AOPEP: variants seen among roughly 807,000 people sequenced by gnomAD.
AOPEP encodes aminopeptidase O.
A neutral mutation model predicts 98.1 loss-of-function variants in AOPEP; 77 were observed. That is an observed-to-expected ratio of 0.78 (90% CI 0.65 to 0.95). AOPEP has a LOEUF of 0.95. Among genes scored for constraint, AOPEP ranks in the 40% least tolerant of loss-of-function variants. The pLI is 0.00. For missense variants in AOPEP, 1,024 were observed against 1,024.7 expected, an observed-to-expected ratio of 1.00 and a Z score of 0.01; for synonymous variants, 346 against 365.3, an observed-to-expected ratio of 0.95 and a Z score of 0.60.
intron 1 of AOPEP, among the ~76,000 whole-genome samples, chr9:94,730,719 G>A (rs760655427): frequency 1.6e-4 from 25 of 152,164 alleles, no homozygotes; most frequent in African/African-American, 5.6e-4. Flanking sequence ...AATAAGAGGC[G>A]TAACTCAGAC....
intron 1 of AOPEP, among the ~76,000 whole-genome samples, chr9:94,748,485 T>C (rs1835009481): frequency 6.6e-6 from 1 of 152,258 alleles, no homozygotes; most frequent in African/African-American, 2.4e-5. Flanking sequence ...AAACATAGTA[T>C]AGGGAGTTCC....
chr9:95,035,507 ATTTTTTTTTTTTT>A (rs542840000), intron 13 of AOPEP, among the ~76,000 whole-genome samples: 20 of 67,964 alleles, frequency 2.9e-4, no homozygotes, highest in African/African-American at 8.8e-4. Flanking sequence ...GCTTCAGATA[ATTTTTTTTTTTTT>A]TTTTTTTTTT....
At chr9:94,846,080 A>G (rs1038962476) in intron 5 of AOPEP, among the ~76,000 whole-genome samples, 1 of 146,346 alleles carries the variant, frequency 6.8e-6, no homozygotes, top group African/African-American at 2.5e-5. Context: ...GGGCGATGAG[A>G]GCGAGACTCC....
chr9:94,740,092 G>C (rs1244590467), intron 1 of AOPEP, among the ~76,000 whole-genome samples: 2 of 152,132 alleles, frequency 1.3e-5, no homozygotes, highest in Non-Finnish European at 2.9e-5. Context: ...GGAAGCACCG[G>C]GATTGGTCAG....
chr9:95,143,355 G>A, the AOPEP span, among the ~76,000 whole-genome samples: 3 of 152,094 alleles, frequency 2.0e-5, no homozygotes, highest in African/African-American at 7.2e-5. Flanking sequence ...TGATTAAATC[G>A]CTGGCCAGTA....
intron 13 of AOPEP, among the ~76,000 whole-genome samples, chr9:95,049,273 G>T (rs774535715): frequency 6.6e-6 from 1 of 152,174 alleles, no homozygotes; most frequent in African/African-American, 2.4e-5. Context: ...GATTATAGTT[G>T]CTCTGTTGGA....
chr9:94,803,881 T>C (rs971993823), intron 5 of AOPEP, among the ~76,000 whole-genome samples: 4 of 152,182 alleles, frequency 2.6e-5, no homozygotes, highest in Non-Finnish European at 5.9e-5. Context: ...AGTTTTTGTT[T>C]CATTGTGTTT....
At chr9:94,735,330 C>T (rs952880236) in intron 1 of AOPEP, among the ~76,000 whole-genome samples, 4 of 152,190 alleles carry the variant, frequency 2.6e-5, no homozygotes, top group Admixed American at 1.3e-4. Context: ...ACGCCATTCT[C>T]CTGCCTCAGC....
At chr9:94,939,803 A>G (rs528241104) in intron 7 of AOPEP, among the ~76,000 whole-genome samples, 1 of 152,316 alleles carries the variant, frequency 6.6e-6, no homozygotes, top group Admixed American at 6.5e-5. Flanking sequence ...CTCAGGATGC[A>G]TAGTCAGCCT....
intron 6 of AOPEP, 94 bp from the exon 7 acceptor site, chr9:94,928,331 T>C (rs1367648130): frequency 2.0e-5 from 17 of 862,830 alleles, no homozygotes; most frequent in Non-Finnish European, 3.1e-5. Context: ...GCAGGCTATC[T>C]TGTCCCCCAT....
intron 1 of AOPEP, among the ~76,000 whole-genome samples, chr9:94,732,010 C>T (rs1171971000): frequency 6.6e-6 from 1 of 151,984 alleles, no homozygotes; most frequent in South Asian, 2.1e-4. Context: ...GTTTCGAACT[C>T]CTGACCTCAA....
At chr9:95,099,613 A>C in the AOPEP span, 1 of 230,944 alleles carries the variant, frequency 4.3e-6, no homozygotes, top group African/African-American at 2.2e-5. Flanking sequence ...ACCTTTGAGC[A>C]TCTCTCAGGC....
At chr9:94,793,709 C>T (rs552278510) in intron 4 of AOPEP, among the ~76,000 whole-genome samples, 62 of 150,746 alleles carry the variant, frequency 4.1e-4, no homozygotes, top group African/African-American at 1.5e-3. Flanking sequence ...GAAAGGAAAG[C>T]GAGTTGAGAA....
the AOPEP span, among the ~76,000 whole-genome samples, chr9:95,142,698 C>A: frequency 6.6e-6 from 1 of 152,170 alleles, no homozygotes; most frequent in East Asian, 1.9e-4. Flanking sequence ...TCTTTTAACT[C>A]TCAGAAGTGG....
the AOPEP span, among the ~76,000 whole-genome samples, chr9:95,092,206 C>T: frequency 3.9e-5 from 6 of 152,170 alleles, no homozygotes; most frequent in Non-Finnish European, 5.9e-5. Context: ...CCGGTCCCTG[C>T]GGTGTTTGTT....
chr9:94,884,837 C>T (rs1335146630), intron 5 of AOPEP, among the ~76,000 whole-genome samples: 10 of 149,928 alleles, frequency 6.7e-5, no homozygotes, highest in South Asian at 2.1e-4. Flanking sequence ...TGGTGAAACC[C>T]GTCTCTATTA....
intron 1 of AOPEP, among the ~76,000 whole-genome samples, chr9:94,732,900 CTG>C (rs1830874037): frequency 6.6e-6 from 1 of 152,206 alleles, no homozygotes; most frequent in African/African-American, 2.4e-5. Context: ...GCAGCAGTCT[CTG>C]TGCTGTCTGC....
At chr9:95,087,995 ACT>A (rs2070808465), downstream of AOPEP, among the ~76,000 whole-genome samples, 1 of 152,026 alleles carries the variant, frequency 6.6e-6, no homozygotes, top group Non-Finnish European at 1.5e-5. Context: ...GGTCTCCAGA[ACT>A]CTCTTTTCTT....
chr9:95,071,434 G>A (rs1388739786), intron 14 of AOPEP, among the ~76,000 whole-genome samples: 1 of 152,106 alleles, frequency 6.6e-6, no homozygotes, highest in Non-Finnish European at 1.5e-5. Flanking sequence ...AGAATTTCAT[G>A]TACATTGGGT....
Sources: allele counts gnomAD v4.1 joint callset (sites outside exome capture counted in the v4.1 genomes callset), GRCh38; gene constraint gnomAD v4.1.1; transcripts MANE v1.5; gene names NCBI Gene and HGNC (gene_info 2026-07-23, HGNC 2026-07-21).